Variants in PPOX observed in about 807,000 individuals in gnomAD.
The protein encoded by PPOX is protoporphyrinogen oxidase, also known as variegate porphyria.
Under a neutral mutation model 54.1 loss-of-function variants are expected in PPOX, and 23 were observed. That is an observed-to-expected ratio of 0.43 (90% CI 0.31 to 0.60). PPOX has a LOEUF of 0.60. PPOX is among the 20% of genes least tolerant of loss of function. The probability of loss-of-function intolerance (pLI) is 0.13; values close to 1 mark genes in which losing one functional copy is unlikely to be tolerated. For synonymous variants in PPOX, 224 were observed against 236.1 expected, an observed-to-expected ratio of 0.95 and a Z score of 0.47; for missense variants, 512 against 601.1, an observed-to-expected ratio of 0.85 and a Z score of 1.55.
downstream of PPOX, chr1:161,176,123 C>T: frequency 2.5e-6 from 4 of 1,593,860 alleles, no homozygotes; most frequent in Non-Finnish European, 3.4e-6. Context: ...GAGAGCAAGC[C>T]AGCAGAGAGG....
At chr1:161,171,560 C>T, downstream of PPOX, 1 of 600,548 alleles carries the variant, frequency 1.7e-6, no homozygotes, top group East Asian at 2.9e-5. Context: ...GGCAGGGACT[C>T]CTAGGAATCG....
chr1:161,173,455 G>A, downstream of PPOX: 3 of 1,165,710 alleles, frequency 2.6e-6, no homozygotes, highest in Non-Finnish European at 3.7e-6. Context: ...AGCCTGACCT[G>A]GGTATCCTAA....
chr1:161,170,841 G>GT, intron 11 of PPOX, 66 bp from the exon 12 acceptor site: 1 of 1,613,812 alleles, frequency 6.2e-7, no homozygotes, highest in Non-Finnish European at 8.5e-7. Flanking sequence ...ATTTGTCACT[G>GT]TATGTCAGCC....
intron 2 of PPOX, 67 bp from the exon 3 acceptor site, chr1:161,167,033 C>G (rs999811875): frequency 7.4e-6 from 12 of 1,613,270 alleles, no homozygotes; most frequent in Admixed American, 1.7e-5. Context: ...TGCCTCTTCC[C>G]CTCCCCTCCT....
chr1:161,167,806 G>A, intron 4 of PPOX, 189 bp from the exon 5 acceptor site: 6 of 907,156 alleles, frequency 6.6e-6, no homozygotes, highest in East Asian at 2.5e-5. Flanking sequence ...CTTGTGATCC[G>A]CCCGCCTCGG....
intron 10 of PPOX, 34 bp from the exon 11 acceptor site, chr1:161,170,586 G>A (rs772707615): frequency 2.5e-6 from 4 of 1,614,202 alleles, no homozygotes; most frequent in East Asian, 4.5e-5. Context: ...TTGTAGGCAA[G>A]GCCAGACTGA....
Position 161,167,196 on chromosome 1 carries a change from A to T in PPOX, c.184A>T (p.Arg62Trp). The change falls in exon 3 of 13, where the codon AGG (arginine) becomes TGG (tryptophan). Residue 62 changes from arginine (R) to tryptophan (W), a missense_variant. Physicochemically the swap from Arg to Trp is moderately radical, Grantham distance 101. Coordinates refer to ENST00000367999, the MANE Select transcript of PPOX (RefSeq NM_001122764.3). ...AIFELGPRGI[R>W]PAGALGARTL... The stretch of plus-strand genomic sequence containing the variant: ...CTTTGAGCTTGGACCTCGGGGAATT[A>T]GGCCAGCGGGAGCCCTAGGGGCCCG... The T allele has an allele frequency of 6.2e-7, 1 of 1,614,172 alleles. No homozygotes were observed. The highest frequency in any genetic ancestry group is 8.5e-7 in the Non-Finnish European group (1 of 1,180,034).
At chr1:161,169,830 TG>T in intron 8 of PPOX, 75 bp from the exon 9 acceptor site, 1 of 1,614,140 alleles carries the variant, frequency 6.2e-7, no homozygotes, top group Non-Finnish European at 8.5e-7. Flanking sequence ...GTCATCTCTA[TG>T]GGAGTCTAAT....
chr1:161,175,132 G>A (rs771359250), downstream of PPOX: 1 of 1,614,042 alleles, frequency 6.2e-7, no homozygotes, highest in South Asian at 1.1e-5. Flanking sequence ...CTCACAACCT[G>A]CAGGGCGGTA....
chr1:161,176,802 T>G, intron 4 of PPOX: 1 of 1,487,676 alleles, frequency 6.7e-7, no homozygotes, highest in African/African-American at 1.4e-5. Flanking sequence ...CAGGACAGAT[T>G]GGGGAGTGGG....
At chr1:161,170,130 G>A (rs1392130374) in intron 9 of PPOX, 106 bp downstream of exon 9, 33 of 1,365,032 alleles carry the variant, frequency 2.4e-5, no homozygotes, top group Non-Finnish European at 3.1e-5. Flanking sequence ...TTCGAGACCA[G>A]CCTGGCCAAC....
chr1:161,167,557 CTTTTTTTTTTTTTT>C (rs397731347), intron 4 of PPOX, 71 bp downstream of exon 4: 5,609 of 555,138 alleles, frequency 0.01, 39 homozygotes, highest in Middle Eastern at 0.037. Context: ...TTCTTCTTTT[CTTTTTTTTTTTTTT>C]TTTTTTTTTT....
At position 161,169,029 on chromosome 1, in the gene PPOX, A is replaced by G. The variant is rs755877829; in HGVS notation, c.653A>G (p.Gln218Arg). 7 of 1,614,070 alleles carry G rather than the reference A, an allele frequency of 4.3e-6. No individual in the cohort carries two copies. In the South Asian group the frequency reaches 6.6e-5, roughly 15 times the overall value. ...TPQPDSALIR[Q>R]ALAERWSQWS... ...CAGCCAGACTCAGCACTCATTCGCC[A>G]GGCCTTGGCTGAGCGCTGGAGCCAG... The change falls in exon 7 of 13, where the codon CAG (glutamine) becomes CGG (arginine). Residue 218 changes from glutamine to arginine, a missense_variant. Physicochemically the swap from Gln to Arg is conservative, Grantham distance 43. Transcript: ENST00000367999.
chr1:161,170,992 C>T (rs765738384), intron 12 of PPOX, 42 bp from the exon 13 acceptor site: 1 of 1,614,116 alleles, frequency 6.2e-7, no homozygotes, highest in East Asian at 2.2e-5. Context: ...CCAAGGACAT[C>T]AGACCCCCAG....
At chr1:161,168,659 T>C in intron 6 of PPOX, 83 bp downstream of exon 6, 4 of 1,531,176 alleles carry the variant, frequency 2.6e-6, no homozygotes, top group Non-Finnish European at 3.6e-6. Context: ...TATTCAATGA[T>C]TCTTTTTTTC....
chr1:161,167,350 C>T lies in PPOX; in HGVS notation c.223-21C>T, dbSNP rs76314125. The T allele has an allele frequency of 2.7e-4, 432 of 1,614,024 alleles. 3 individuals are homozygous for T. In the East Asian group the frequency reaches 9.5e-3, roughly 36 times the overall value. On this transcript the variant is annotated intron_variant, in intron 3 of 12. Coordinates refer to ENST00000367999, the MANE Select transcript of PPOX (RefSeq NM_001122764.3). ...AGATCTTCCCTTAGTTTCTCCTCTTCTGAGGGCATGTGGAGAGCAGGTTTC... is the reference window on the plus strand; with the variant it reads ...AGATCTTCCCTTAGTTTCTCCTCTTTTGAGGGCATGTGGAGAGCAGGTTTC...
chr1:161,176,772 C>A, intron 4 of PPOX: 2 of 1,291,530 alleles, frequency 1.5e-6, no homozygotes, highest in African/African-American at 1.5e-5. Context: ...TACTTAACCA[C>A]CCCCGTACCC....
In PPOX at chr1:161,166,692, CG is replaced by C. The variant is rs1191377991; in HGVS notation, c.-9+24del. 3 of 1,521,268 alleles carry C rather than the reference CG, an allele frequency of 2.0e-6. No homozygotes were observed. Among genetic ancestry groups the C allele is most frequent in the Non-Finnish European group, 2.6e-6 (3 of 1,138,852 alleles). The allele number at this position is 1,521,268 out of a possible 1,614,324, so 94.2% of individuals were successfully genotyped here. A position where few individuals can be genotyped will look rare whatever the true frequency, so the allele number is the denominator to read the frequency against. On this transcript the variant is annotated intron_variant, in intron 1 of 12. Coordinates refer to ENST00000367999, the MANE Select transcript of PPOX (RefSeq NM_001122764.3). ...TTGTGGGTGAGTCCTGGCCCCTGGA[CG>C]GGGACCTCGCTGTTCCACCAGCCCA...
At chr1:161,167,861 C>A (rs111716105) in intron 4 of PPOX, 134 bp from the exon 5 acceptor site, 21 of 1,447,368 alleles carry the variant, frequency 1.5e-5, no homozygotes, top group African/African-American at 7.0e-5. Context: ...CCACGCCCGA[C>A]CTGCCTTCCA....
Sources: allele counts gnomAD v4.1 joint callset, GRCh38; gene constraint gnomAD v4.1.1; transcripts MANE v1.5; gene names NCBI Gene and HGNC (gene_info 2026-07-23, HGNC 2026-07-21).